The following BAIAP2 variants were observed in gnomAD, a reference collection of about 807,000 sequenced individuals.
The protein encoded by BAIAP2 is BAR/IMD domain containing adaptor protein 2, also known as BAR/IMD domain-containing adapter protein 2.
In BAIAP2, 18 loss-of-function variants were observed where a neutral mutation model predicts 63.0. The observed-to-expected ratio is 0.29, with a 90% CI of 0.20 to 0.42. The LOEUF (loss-of-function observed/expected upper bound fraction) is 0.42. Among genes scored for constraint, BAIAP2 ranks in the 10% least tolerant of loss-of-function variants. The pLI is 1.00. For missense variants in BAIAP2, 610 were observed against 734.3 expected (o/e 0.83, Z 1.96); for synonymous variants, 386 against 307.6 (o/e 1.25, Z -2.67).
At chr17:81,097,007 G>A (rs574326543) in intron 6 of BAIAP2, among the ~76,000 whole-genome samples, 3 of 152,190 alleles carry the variant, frequency 2.0e-5, no homozygotes, top group African/African-American at 7.2e-5. Flanking sequence ...CAGCGGCAGT[G>A]GGGGTGGCGG....
intron 1 of BAIAP2, among the ~76,000 whole-genome samples, chr17:81,039,795 C>T (rs956441395): frequency 6.6e-6 from 1 of 152,196 alleles, no homozygotes; most frequent in Non-Finnish European, 1.5e-5. Flanking sequence ...ATGGGCTGAA[C>T]TGTCCAGGAT....
intron 3 of BAIAP2, among the ~76,000 whole-genome samples, chr17:81,072,724 CCTTT>C (rs1285760759): frequency 2.0e-5 from 3 of 152,110 alleles, no homozygotes; most frequent in Admixed American, 6.5e-5. Context: ...GCAGGCTCTG[CCTTT>C]CTTTCATTTT....
chr17:81,114,387 G>A (rs188433765), intron 13 of BAIAP2, among the ~76,000 whole-genome samples: 103 of 152,184 alleles, frequency 6.8e-4, no homozygotes, highest in African/African-American at 2.4e-3. Flanking sequence ...GACAGGGCAT[G>A]GGCAGACATC....
In BAIAP2 at chr17:81,108,679, G is replaced by C. The variant is rs540506649; in HGVS notation, c.1535+170G>C. On this transcript the variant is annotated intron_variant, in intron 13 of 13. Transcript: ENST00000428708. ...TCCCTTAGGGCGTCCTGCTTTCTCC[G>C]AGTGACACGGGAACCCCCCTGGGCC... is the stretch of plus-strand genomic sequence containing the variant. 1.5e-4 allele frequency: 136 copies of C among 923,206 alleles called. 2 individuals carry two copies. The East Asian group carries it at 3.5e-3, about 24-fold the overall frequency. 57.2% of individuals were successfully genotyped at this position (923,206 alleles called of 1,614,324 possible). A position where few individuals can be genotyped will look rare whatever the true frequency, so the allele number is the denominator to read the frequency against.
chr17:81,108,840 G>A (rs2059506318), intron 13 of BAIAP2: 1 of 1,395,532 alleles, frequency 7.2e-7, no homozygotes, highest in South Asian at 1.4e-5. Flanking sequence ...CTTGTCCTGG[G>A]TCTTCCTGGA....
At chr17:81,068,051 G>C (rs547397341) in intron 3 of BAIAP2, among the ~76,000 whole-genome samples, 1 of 152,368 alleles carries the variant, frequency 6.6e-6, no homozygotes, top group Non-Finnish European at 1.5e-5. Flanking sequence ...CTGTGGGCAG[G>C]TGTCTGCATC....
Position 81,035,343 on chromosome 17 carries a change from C to G in BAIAP2, c.54+35C>G, listed in dbSNP as rs753957078. 7.0e-6 allele frequency: 9 copies of G among 1,280,102 alleles called. No homozygotes were observed. In the East Asian group the frequency reaches 2.0e-4, roughly 28 times the overall value. The allele number at this position is 1,280,102 out of a possible 1,614,324, so 79.3% of individuals were successfully genotyped here. A position where few individuals can be genotyped will look rare whatever the true frequency, so the allele number is the denominator to read the frequency against. On this transcript the variant is annotated intron_variant, in intron 1 of 13. Transcript: ENST00000428708. ...CCCCGGCGCCGAGCTGAGCCCGCTCCGTGTGCGCCTGGGTCGCGCGCCGCC... is the reference window on the plus strand; with the variant it reads ...CCCCGGCGCCGAGCTGAGCCCGCTCGGTGTGCGCCTGGGTCGCGCGCCGCC...
intron 6 of BAIAP2, among the ~76,000 whole-genome samples, chr17:81,096,348 C>T (rs1433854947): frequency 6.6e-6 from 1 of 152,206 alleles, no homozygotes; most frequent in Non-Finnish European, 1.5e-5. Context: ...TTGGGGGTTT[C>T]TCCATGGAAC....
chr17:81,093,078 C>CCTGGGCTGGGCTGGGCTGGGCTGGG (rs6146169), intron 6 of BAIAP2, among the ~76,000 whole-genome samples: 5 of 147,390 alleles, frequency 3.4e-5, no homozygotes, highest in African/African-American at 7.6e-5. Flanking sequence ...CCACCCACTC[C>CCTGGGCTGGGCTGGGCTGGGCTGGG]CTGGGCTGGG....
rs967164824 is a variant in BAIAP2, at chr17:81,042,287, C to T, written c.54+6979C>T. 3.3e-5 allele frequency among the ~76,000 whole-genome samples: 5 copies of T among 151,224 alleles called. No homozygotes were observed. The South Asian group carries it at 8.4e-4, about 26-fold the overall frequency. On this transcript the variant is annotated intron_variant, in intron 1 of 13. Coordinates refer to ENST00000428708, the MANE Select transcript of BAIAP2 (RefSeq NM_001144888.2). The stretch of plus-strand genomic sequence containing the variant: ...CCACCTGAGTAGCTAGGACCACAGG[C>T]GTGCCCCACCTGTGTGCCTGGCTAA...
intron 13 of BAIAP2, chr17:81,108,892 C>T (rs1005575883): frequency 4.0e-5 from 60 of 1,508,604 alleles, no homozygotes; most frequent in Middle Eastern, 4.7e-4. Flanking sequence ...GGGCATTGCT[C>T]GGTGCTGGCG....
chr17:81,112,566 G>T (rs1207449657), intron 13 of BAIAP2, among the ~76,000 whole-genome samples: 6 of 152,242 alleles, frequency 3.9e-5, no homozygotes, highest in African/African-American at 1.4e-4. Context: ...GGAGGCCCAA[G>T]CGCCCACGCT....
chr17:81,053,387 G>A, intron 1 of BAIAP2: 1 of 467,472 alleles, frequency 2.1e-6, no homozygotes, highest in Non-Finnish European at 3.9e-6. Context: ...GCTGCACCAT[G>A]CAAATGCGCT....
intron 6 of BAIAP2, among the ~76,000 whole-genome samples, chr17:81,088,857 T>TAA (rs1412865936): frequency 6.6e-6 from 1 of 152,192 alleles, no homozygotes; most frequent in East Asian, 1.9e-4. Context: ...CGGGGTAGCA[T>TAA]AGGGCCGGAC....
intron 6 of BAIAP2, among the ~76,000 whole-genome samples, chr17:81,096,282 C>T (rs1352458068): frequency 1.3e-5 from 2 of 152,224 alleles, no homozygotes; most frequent in South Asian, 2.1e-4. Context: ...CTTTCCGGGC[C>T]GGCCACCGCT....
intron 1 of BAIAP2, among the ~76,000 whole-genome samples, chr17:81,044,269 C>T (rs9915461): frequency 0.058 from 8,869 of 152,308 alleles, 446 homozygotes; most frequent in East Asian, 0.29. Flanking sequence ...GATGGGGCAG[C>T]GGCCTCGGGG....
chr17:81,092,768 G>A (rs1328372567), intron 6 of BAIAP2, among the ~76,000 whole-genome samples: 4 of 152,194 alleles, frequency 2.6e-5, no homozygotes, highest in Admixed American at 6.5e-5. Flanking sequence ...TGGGCCAGGT[G>A]CTGACAGACG....
chr17:81,112,436 C>G (rs1370595619), intron 13 of BAIAP2, among the ~76,000 whole-genome samples: 2 of 152,190 alleles, frequency 1.3e-5, no homozygotes, highest in East Asian at 3.9e-4. Context: ...TTGCAGTTGG[C>G]CAAGAGACTC....
rs2046585922 is a variant in BAIAP2 at position 81,038,350 on chromosome 17, A to G, written c.54+3042A>G. On this transcript the variant is annotated intron_variant, in intron 1 of 13. Coordinates refer to ENST00000428708, the MANE Select transcript of BAIAP2 (RefSeq NM_001144888.2). ...GTTTTCCTCAAGGTCTCGTGTCCGC[A>G]GAGAAGCCCTGGCTCCCAGGTGACC... Among the ~76,000 whole-genome samples, 4 of 152,216 alleles carry G rather than the reference A, an allele frequency of 2.6e-5. No individual in the cohort carries two copies. In the South Asian group the frequency reaches 8.3e-4, roughly 32 times the overall value.
Sources: allele counts gnomAD v4.1 joint callset (sites outside exome capture counted in the v4.1 genomes callset), GRCh38; gene constraint gnomAD v4.1.1; transcripts MANE v1.5; gene names NCBI Gene and HGNC (gene_info 2026-07-23, HGNC 2026-07-21).